The following PAK3 variants were observed in gnomAD, a reference collection of about 807,000 sequenced individuals.
The protein encoded by PAK3 is serine/threonine-protein kinase PAK 3.
A neutral mutation model predicts 41.0 loss-of-function variants in PAK3; 4 were observed. The observed-to-expected ratio is 0.10, with a 90% CI of 0.05 to 0.22. PAK3 has a LOEUF of 0.22. PAK3 is among the 10% of genes least tolerant of loss of function. The pLI is 1.00. For synonymous variants in PAK3, 146 were observed against 139.6 expected (o/e 1.05, Z -0.32); for missense variants, 205 against 409.9 (o/e 0.50, Z 4.32).
At chrX:110,965,431 G>A (rs986224496) in intron 1 of PAK3, among the ~76,000 whole-genome samples, 35 of 112,107 alleles carry the variant, frequency 3.1e-4, no homozygotes, top group Non-Finnish European at 5.1e-4. Context: ...CAGTGGCCAA[G>A]GGCAAGAGAA....
chrX:110,967,667 C>T (rs1032781764), intron 1 of PAK3, among the ~76,000 whole-genome samples: 4 of 111,730 alleles, frequency 3.6e-5, no homozygotes, highest in Admixed American at 9.5e-5. Context: ...CAAGACACTA[C>T]GGGCCAAGCA....
At chrX:111,018,273 C>A (rs2092120557) in intron 1 of PAK3, among the ~76,000 whole-genome samples, 1 of 111,157 alleles carries the variant, frequency 9.0e-6, no homozygotes, top group East Asian at 2.8e-4. Flanking sequence ...TAAAAAGAAT[C>A]TAAATTGAAA....
intron 4 of PAK3, among the ~76,000 whole-genome samples, chrX:111,108,239 C>T (rs905378349): frequency 1.8e-5 from 2 of 112,215 alleles, no homozygotes; most frequent in African/African-American, 6.5e-5. Context: ...TTGCTTAGCA[C>T]AGGGCTGTGC....
chrX:111,135,988 G>A (rs1308333243), intron 5 of PAK3, among the ~76,000 whole-genome samples: 6 of 111,350 alleles, frequency 5.4e-5, no homozygotes. Flanking sequence ...AGCATAATTG[G>A]TGGATTCACT....
chrX:111,142,028 C>A, intron 5 of PAK3, 68 bp from the exon 6 acceptor site: 1 of 612,016 alleles, frequency 1.6e-6, no homozygotes, highest in South Asian at 2.2e-5. Context: ...TTTGATGAAC[C>A]TAATTGTACA....
chrX:110,972,743 G>C (rs1456757264), intron 1 of PAK3, among the ~76,000 whole-genome samples: 2 of 111,733 alleles, frequency 1.8e-5, no homozygotes, highest in African/African-American at 6.5e-5. Context: ...GGCTTCAGAA[G>C]GTTGGTAATG....
chrX:111,144,719 T>C (rs2093920010), intron 6 of PAK3: 1 of 339,571 alleles, frequency 2.9e-6, no homozygotes, highest in African/African-American at 2.7e-5. Flanking sequence ...ACTCTTTGGC[T>C]AATTGGCCCA....
chrX:111,137,212 T>C lies in PAK3; in HGVS notation c.176-4884T>C, dbSNP rs142241939. On this transcript the variant is annotated intron_variant, in intron 5 of 17. Transcript: ENST00000372007. ...GTGTAGAAGTACTGATCTCAAATCA[T>C]TTGGAGTAAAAAAAGAGAAAGTCTG... is the stretch of plus-strand genomic sequence containing the variant. Among the ~76,000 whole-genome samples, 178 of 111,125 alleles carry C rather than the reference T, an allele frequency of 1.6e-3. 1 individual carries two copies. The East Asian group carries it at 0.02, about 12-fold the overall frequency.
At chrX:111,208,342 A>G (rs2094778394) in intron 16 of PAK3, among the ~76,000 whole-genome samples, 1 of 112,034 alleles carries the variant, frequency 8.9e-6, no homozygotes, top group South Asian at 3.7e-4. Context: ...GTGTAGCCTA[A>G]GTGTACAGTA....
chrX:111,019,890 A>G (rs2092151673), intron 1 of PAK3, among the ~76,000 whole-genome samples: 1 of 111,233 alleles, frequency 9.0e-6, no homozygotes, highest in Non-Finnish European at 1.9e-5. Flanking sequence ...TACAAACCAC[A>G]CACACACACA....
chrX:111,101,850 C>A (rs1024404215), intron 3 of PAK3, among the ~76,000 whole-genome samples: 1 of 112,242 alleles, frequency 8.9e-6, no homozygotes, highest in African/African-American at 3.2e-5. Context: ...GGGGGACAGA[C>A]ATGCTCTGGA....
intron 5 of PAK3, among the ~76,000 whole-genome samples, chrX:111,140,986 T>C (rs2093862892): frequency 1.8e-5 from 2 of 112,244 alleles, no homozygotes; most frequent in African/African-American, 6.5e-5. Flanking sequence ...AACCAGAATG[T>C]TCTAAATTGA....
intron 1 of PAK3, among the ~76,000 whole-genome samples, chrX:111,050,992 T>C (rs1309382266): frequency 8.9e-6 from 1 of 111,737 alleles, no homozygotes; most frequent in Non-Finnish European, 1.9e-5. Context: ...AAGTGGCAAG[T>C]GGTCCAAGGC....
intron 10 of PAK3, among the ~76,000 whole-genome samples, chrX:111,164,369 A>G (rs2094227200): frequency 9.0e-6 from 1 of 111,281 alleles, no homozygotes; most frequent in Admixed American, 9.6e-5. Context: ...AACTCATACT[A>G]TAAAAGCATC....
intron 1 of PAK3, among the ~76,000 whole-genome samples, chrX:111,084,687 T>C (rs751019142): frequency 7.3e-4 from 82 of 112,413 alleles, no homozygotes; most frequent in Non-Finnish European, 1.3e-3. Context: ...AGTTTGTCGA[T>C]GCTTCACAAC....
chrX:111,216,015 T>C (rs952947764), intron 16 of PAK3, among the ~76,000 whole-genome samples: 1 of 112,148 alleles, frequency 8.9e-6, no homozygotes, highest in African/African-American at 3.2e-5. Flanking sequence ...TACCTTTCCA[T>C]TGCACTTTCC....
intron 1 of PAK3, among the ~76,000 whole-genome samples, chrX:111,017,510 G>A (rs1032292207): frequency 1.8e-5 from 2 of 111,769 alleles, no homozygotes; most frequent in African/African-American, 3.2e-5. Context: ...GGACAAATTT[G>A]TAGAAACATA....
At chrX:110,999,672 A>T (rs2091812044) in intron 1 of PAK3, among the ~76,000 whole-genome samples, 1 of 102,387 alleles carries the variant, frequency 9.8e-6, no homozygotes, top group Non-Finnish European at 1.9e-5. Context: ...TTTTTTATAA[A>T]AGTAAAAAAA....
intron 16 of PAK3, among the ~76,000 whole-genome samples, chrX:111,200,748 G>T: frequency 8.9e-6 from 1 of 112,057 alleles, no homozygotes; most frequent in African/African-American, 3.2e-5. Context: ...TGGCTATTTT[G>T]CTTTCTGCCT....
Sources: gnomAD v4.1 joint callset for allele counts (sites outside exome capture counted in the v4.1 genomes callset) on GRCh38, gnomAD v4.1.1 for gene constraint, MANE v1.5 for transcripts, NCBI Gene and HGNC (gene_info 2026-07-23, HGNC 2026-07-21) for gene names.